CDC42BPB: variants seen among roughly 807,000 people sequenced by gnomAD.
CDC42BPB encodes serine/threonine-protein kinase MRCK beta.
Under a neutral mutation model 214.9 loss-of-function variants are expected in CDC42BPB, and 37 were observed. The observed-to-expected ratio is 0.17, with a 90% CI of 0.13 to 0.23. The LOEUF (loss-of-function observed/expected upper bound fraction) is 0.23, where lower values mean the gene tolerates loss of function less well. Ranked by LOEUF, CDC42BPB falls within the 10% of genes least tolerant of loss-of-function variation. The pLI is 1.00. For synonymous variants in CDC42BPB, 931 were observed against 884.0 expected (o/e 1.05, Z -0.94); for missense variants, 1,694 against 2,227.0 (o/e 0.76, Z 4.82).
intron 1 of CDC42BPB, among the ~76,000 whole-genome samples, chr14:103,032,579 T>C (rs112785147): frequency 0.06 from 8,654 of 143,534 alleles, 734 homozygotes; most frequent in African/African-American, 0.17. Flanking sequence ...AGCTTACAGA[T>C]TAAAAGAGAT....
At chr14:102,938,230 G>T (rs1414861595) in intron 35 of CDC42BPB, 56 bp from the exon 36 acceptor site, 4 of 1,604,130 alleles carry the variant, frequency 2.5e-6, no homozygotes, top group Non-Finnish European at 3.4e-6. Context: ...GGAATCAAAT[G>T]CCTGGGGTCT....
chr14:102,954,811 T>A, intron 21 of CDC42BPB, 123 bp from the exon 22 acceptor site: 1 of 1,460,214 alleles, frequency 6.8e-7, no homozygotes, highest in Non-Finnish European at 9.1e-7. Context: ...CAGCGGTTCT[T>A]ACTCCTGGAT....
At position 102,944,781 on chromosome 14, in the gene CDC42BPB, C is replaced by A. The variant is rs1892074981; in HGVS notation, c.3812-294G>T. ...GTGCACACCCCTCAGTGCACCAGGG[C>A]TCCAGCTGGGCAGCGCTTCCACCTG... On this transcript the variant is annotated intron_variant, in intron 29 of 36. Transcript: ENST00000361246. This position sits in a 1 kb window ranked among gnomAD's most constrained non-coding sequence, Gnocchi z 6.6. 2 of 574,354 alleles carry A rather than the reference C, an allele frequency of 3.5e-6. No individual in the cohort carries two copies. Among genetic ancestry groups the A allele is most frequent in the Admixed American group, 6.3e-5 (1 of 15,764 alleles). 35.6% of individuals were successfully genotyped at this position (574,354 alleles called of 1,614,324 possible).
chr14:102,992,066 A>G (rs927926241), intron 5 of CDC42BPB, among the ~76,000 whole-genome samples: 1 of 152,132 alleles, frequency 6.6e-6, no homozygotes, highest in African/African-American at 2.4e-5. Flanking sequence ...GCACATCTAG[A>G]ACATTCTGTC....
intron 1 of CDC42BPB, among the ~76,000 whole-genome samples, chr14:103,031,983 TATTA>T (rs1240256590): frequency 6.9e-6 from 1 of 145,642 alleles, no homozygotes; most frequent in Admixed American, 6.7e-5. Flanking sequence ...CTATTATTAT[TATTA>T]TTATTTTTTT....
At chr14:103,010,977 C>T (rs771400659) in intron 2 of CDC42BPB, among the ~76,000 whole-genome samples, 9 of 152,206 alleles carry the variant, frequency 5.9e-5, no homozygotes, top group Non-Finnish European at 1.3e-4. Context: ...TTGCAGTGAG[C>T]GGAGATCGCA....
At chr14:103,033,450 C>G (rs1476828346) in intron 1 of CDC42BPB, among the ~76,000 whole-genome samples, 1 of 152,048 alleles carries the variant, frequency 6.6e-6, no homozygotes. Flanking sequence ...TCTCTATCTC[C>G]TGACCTCATG....
At chr14:102,949,156 T>C (rs1892361712) in intron 26 of CDC42BPB, among the ~76,000 whole-genome samples, 2 of 152,206 alleles carry the variant, frequency 1.3e-5, no homozygotes, top group Admixed American at 6.5e-5. Flanking sequence ...GGCCTCTTAG[T>C]GATGCGTTTA....
chr14:102,941,560 C>T, intron 30 of CDC42BPB: 1 of 985,466 alleles, frequency 1.0e-6, no homozygotes. Context: ...GAACCACTCT[C>T]CACACGGGCT....
intron 17 of CDC42BPB, among the ~76,000 whole-genome samples, chr14:102,966,817 G>A (rs969966619): frequency 6.6e-6 from 1 of 152,180 alleles, no homozygotes; most frequent in African/African-American, 2.4e-5. Flanking sequence ...GGGTGTGAAC[G>A]GTTTGCCCCA....
chr14:102,934,193 G>GT lies in CDC42BPB; in HGVS notation c.5005-351dup, dbSNP rs1891526597. ...GGGTGGATCACACTTGAGGTCAGGA[G>GT]TTTGAGACCAGCCTGGCCAATGTGG... On this transcript the variant is annotated intron_variant, in intron 36 of 36. Transcript: ENST00000361246. 2.9e-5 allele frequency: 7 copies of GT among 241,036 alleles called. No individual in the cohort carries two copies. The Admixed American group carries it at 4.4e-4, about 15-fold the overall frequency. The allele number at this position is 241,036 out of a possible 1,614,324, so 14.9% of individuals were successfully genotyped here.
At chr14:103,008,685 T>C (rs1165135054) in intron 2 of CDC42BPB, 130 bp from the exon 3 acceptor site, 2 of 1,466,894 alleles carry the variant, frequency 1.4e-6, no homozygotes, top group South Asian at 1.4e-5. Flanking sequence ...AAGCCAAGTT[T>C]CCCACCTAGC....
rs1416153976 is a variant in CDC42BPB, at chr14:103,057,351, G to A, written c.-178C>T. Reference sequence around the variant, plus strand: ...CCGACATCTTGGGCTCCGTCCCGACGGCGCAGAGTCTGGGGCGCCGGGCCC... The same window carrying A: ...CCGACATCTTGGGCTCCGTCCCGACAGCGCAGAGTCTGGGGCGCCGGGCCC... On this transcript the variant is annotated 5_prime_UTR_variant, in exon 1 of 37. Coordinates refer to ENST00000361246, the MANE Select transcript of CDC42BPB (RefSeq NM_006035.4). 2 of 1,018,982 alleles carry A rather than the reference G, an allele frequency of 2.0e-6. No individual in the cohort carries two copies. Among genetic ancestry groups the A allele is most frequent in the African/African-American group, 1.7e-5 (1 of 57,526 alleles). The allele number at this position is 1,018,982 out of a possible 1,614,324, so 63.1% of individuals were successfully genotyped here.
At chr14:103,003,779 T>C (rs1162351111) in intron 4 of CDC42BPB, 149 bp downstream of exon 4, 11 of 529,136 alleles carry the variant, frequency 2.1e-5, no homozygotes, top group Non-Finnish European at 3.3e-5. Flanking sequence ...TGACAATTAC[T>C]GCATGAAAAC....
rs546584301 is a variant in CDC42BPB, at chr14:103,000,811, G to T, written c.448-1098C>A. On this transcript the variant is annotated intron_variant, in intron 4 of 36. Coordinates refer to ENST00000361246, the MANE Select transcript of CDC42BPB (RefSeq NM_006035.4). Reference sequence around the variant, plus strand: ...CACAGGCCAGTGCTGTCCTGTTCACGCTCCCACCTGCCCTTGCCTCTGGCA... The same window carrying T: ...CACAGGCCAGTGCTGTCCTGTTCACTCTCCCACCTGCCCTTGCCTCTGGCA... Among the ~76,000 whole-genome samples, 3 of 152,292 alleles carry T rather than the reference G, an allele frequency of 2.0e-5. 1 individual carries two copies. The highest frequency in any genetic ancestry group is 4.2e-4 in the South Asian group (2 of 4,816).
At position 103,046,411 on chromosome 14, in the gene CDC42BPB, C is replaced by T. The variant is rs554261655; in HGVS notation, c.175+10588G>A. On this transcript the variant is annotated intron_variant, in intron 1 of 36. Coordinates refer to ENST00000361246, the MANE Select transcript of CDC42BPB (RefSeq NM_006035.4). Reference sequence around the variant, plus strand: ...GAGTTTCCAATCGTCCCATTCATAACCATGGAAAGACAGCCAGTAATCACC... The same window carrying T: ...GAGTTTCCAATCGTCCCATTCATAATCATGGAAAGACAGCCAGTAATCACC... 5.3e-5 allele frequency among the ~76,000 whole-genome samples: 8 copies of T among 152,160 alleles called. No individual in the cohort carries two copies. In the South Asian group the frequency reaches 8.3e-4, roughly 16 times the overall value.
chr14:103,047,023 G>C (rs1481363461), intron 1 of CDC42BPB, among the ~76,000 whole-genome samples: 1 of 151,404 alleles, frequency 6.6e-6, no homozygotes, highest in Non-Finnish European at 1.5e-5. Context: ...GGCAGCTCAT[G>C]CCTATAATCC....
Position 102,949,845 on chromosome 14 carries a change from G to C in CDC42BPB, c.3369C>G (p.Asp1123Glu). The C allele has an allele frequency of 6.2e-7, 1 of 1,613,698 alleles. No homozygotes were observed. Among genetic ancestry groups the C allele is most frequent in the African/African-American group, 1.3e-5 (1 of 75,068 alleles). The change falls in exon 26 of 37, where the codon GAC (aspartate) becomes GAG (glutamate). Residue 1123 changes from aspartate to glutamate, a missense_variant. By Grantham distance (45) the Asp-to-Glu change is conservative (BLOSUM62 2). Coordinates refer to ENST00000361246, the MANE Select transcript of CDC42BPB (RefSeq NM_006035.4). ...GCAGATCATACAGGAAGAGCTTGCA[G>C]TCACAGACGACTGCATATGCGCGCT... ...GWQRAYAVVC[D>E]CKLFLYDLPE...
chr14:102,939,790 A>G (rs1209316096), intron 33 of CDC42BPB, 40 bp downstream of exon 33: 1 of 1,613,974 alleles, frequency 6.2e-7, no homozygotes, highest in Non-Finnish European at 8.5e-7. Flanking sequence ...CCCCCTCCCT[A>G]GAGCGAGGCC....
Sources: gnomAD v4.1 joint callset for allele counts (sites outside exome capture counted in the v4.1 genomes callset) on GRCh38, gnomAD v4.1.1 for gene constraint, Gnocchi (gnomAD v3.1) non-coding constraint, MANE v1.5 for transcripts, NCBI Gene and HGNC (gene_info 2026-07-23, HGNC 2026-07-21) for gene names.